RGS5: variants seen among roughly 807,000 people sequenced by gnomAD.
The protein encoded by RGS5 is regulator of G-protein signalling 5.
Under a neutral mutation model 18.9 loss-of-function variants are expected in RGS5, and 20 were observed. The observed-to-expected ratio is 1.06, with a 90% CI of 0.74 to 1.54. The LOEUF (loss-of-function observed/expected upper bound fraction) is 1.54, where lower values mean the gene tolerates loss of function less well. Among genes scored for constraint, RGS5 ranks in the 40% most tolerant of loss-of-function variants. The probability of loss-of-function intolerance (pLI) is 0.00; values close to 1 mark genes in which losing one functional copy is unlikely to be tolerated. For synonymous variants in RGS5, 57 were observed against 76.2 expected, an observed-to-expected ratio of 0.75 and a Z score of 1.31; for missense variants, 201 against 211.8, an observed-to-expected ratio of 0.95 and a Z score of 0.32.
intron 2 of RGS5, among the ~76,000 whole-genome samples, chr1:163,223,972 A>G (rs144644767): frequency 1.1e-3 from 175 of 152,250 alleles, no homozygotes; most frequent in African/African-American, 4.1e-3. Flanking sequence ...GTATAGTGTA[A>G]TGTTTTGGTA....
At chr1:163,230,285 T>G (rs1431057169) in intron 2 of RGS5, among the ~76,000 whole-genome samples, 1 of 152,218 alleles carries the variant, frequency 6.6e-6, no homozygotes, top group African/African-American at 2.4e-5. Flanking sequence ...CCTCATAAGA[T>G]TTTTGTGAAC....
At chr1:163,154,082 C>T (rs1346638663) in intron 3 of RGS5, among the ~76,000 whole-genome samples, 3 of 152,134 alleles carry the variant, frequency 2.0e-5, no homozygotes, top group Admixed American at 6.6e-5. Context: ...TTGCCCCCAC[C>T]TGGAAACACT....
chr1:163,291,280 CA>C (rs1161930231), intron 2 of RGS5, among the ~76,000 whole-genome samples: 1 of 152,086 alleles, frequency 6.6e-6, no homozygotes, highest in African/African-American at 2.4e-5. Context: ...TGGCGGCGGG[CA>C]GGGGGGTATC....
At chr1:163,313,219 G>A (rs1649922111) in intron 1 of RGS5, among the ~76,000 whole-genome samples, 1 of 152,086 alleles carries the variant, frequency 6.6e-6, no homozygotes, top group African/African-American at 2.4e-5. Flanking sequence ...TCCTCATGCA[G>A]AAAAATAGTT....
At chr1:163,188,413 C>G (rs1259821177) in intron 1 of RGS5, among the ~76,000 whole-genome samples, 3 of 152,130 alleles carry the variant, frequency 2.0e-5, no homozygotes, top group Non-Finnish European at 4.4e-5. Context: ...CCTGTGAGTC[C>G]TCTGGTCACC....
intron 1 of RGS5, chr1:163,210,691 C>T (rs1055276284): frequency 6.6e-6 from 1 of 152,212 alleles, no homozygotes; most frequent in African/African-American, 2.4e-5. Flanking sequence ...GTGCCTTACA[C>T]ACAATGAGCA....
At chr1:163,194,814 A>C (rs1427328531) in intron 1 of RGS5, among the ~76,000 whole-genome samples, 1 of 152,182 alleles carries the variant, frequency 6.6e-6, no homozygotes, top group Non-Finnish European at 1.5e-5. Context: ...ATATTCAATG[A>C]ATTATAGAAT....
At chr1:163,187,699 C>CCT (rs1557896765) in intron 1 of RGS5, among the ~76,000 whole-genome samples, 2 of 152,174 alleles carry the variant, frequency 1.3e-5, no homozygotes, top group Non-Finnish European at 2.9e-5. Context: ...CTCCCCCATG[C>CCT]CTCACCCTAG....
intron 2 of RGS5, among the ~76,000 whole-genome samples, chr1:163,230,171 G>T (rs529862360): frequency 2.6e-5 from 4 of 152,280 alleles, no homozygotes; most frequent in Non-Finnish European, 4.4e-5. Flanking sequence ...TATAATTAGA[G>T]ATAAAATTCA....
intron 1 of RGS5, among the ~76,000 whole-genome samples, chr1:163,188,142 C>T (rs1659173474): frequency 6.6e-6 from 1 of 152,030 alleles, no homozygotes; most frequent in Non-Finnish European, 1.5e-5. Context: ...TACTAAAAGC[C>T]AGAGTTATCA....
chr1:163,168,254 T>C lies in RGS5; in HGVS notation c.155+4A>G, dbSNP rs770035597. The C allele has an allele frequency of 6.2e-7, 1 of 1,605,224 alleles. No individual in the cohort carries two copies. Among genetic ancestry groups the C allele is most frequent in the Non-Finnish European group, 8.5e-7 (1 of 1,172,062 alleles). On this transcript the variant is annotated splice_donor_region_variant and intron_variant, in intron 2 of 4. Transcript: ENST00000313961. ...AATGAGTGGAATCCATATTCATGAC[T>C]CACTTCTGGGTCTTGGCTGGTTTCT...
intron 2 of RGS5, among the ~76,000 whole-genome samples, chr1:163,226,993 C>T (rs562939523): frequency 4.6e-5 from 7 of 152,290 alleles, no homozygotes; most frequent in African/African-American, 1.7e-4. Flanking sequence ...GAAAAAAATA[C>T]TCTCACAACT....
chr1:163,207,829 A>G (rs114552937), upstream of RGS5, among the ~76,000 whole-genome samples: 1,805 of 152,256 alleles, frequency 0.012, 29 homozygotes, highest in African/African-American at 0.041. Context: ...GAGATGAAAG[A>G]CACTAAGAAA....
chr1:163,270,578 T>A (rs2101711625), intron 2 of RGS5, among the ~76,000 whole-genome samples: 1 of 152,166 alleles, frequency 6.6e-6, no homozygotes, highest in African/African-American at 2.4e-5. Flanking sequence ...CTGTAGTTAA[T>A]TCAATTTGTG....
intron 1 of RGS5, among the ~76,000 whole-genome samples, chr1:163,181,395 C>G (rs1401100371): frequency 6.6e-6 from 1 of 152,166 alleles, no homozygotes; most frequent in Non-Finnish European, 1.5e-5. Context: ...TGTAACTACT[C>G]CATCCCAGAC....
At chr1:163,172,923 C>T (rs1402101194) in intron 1 of RGS5, among the ~76,000 whole-genome samples, 1 of 152,096 alleles carries the variant, frequency 6.6e-6, no homozygotes, top group Non-Finnish European at 1.5e-5. Flanking sequence ...TATTTCATCC[C>T]CCGTTTCCCT....
chr1:163,206,519 G>A (rs1401970493), upstream of RGS5, among the ~76,000 whole-genome samples: 2 of 151,890 alleles, frequency 1.3e-5, no homozygotes, highest in African/African-American at 2.4e-5. Context: ...TGATCTGAAC[G>A]TTTCCCTCAA....
At chr1:163,311,681 T>C (rs967979026) in intron 1 of RGS5, among the ~76,000 whole-genome samples, 5 of 152,184 alleles carry the variant, frequency 3.3e-5, no homozygotes, top group African/African-American at 1.2e-4. Context: ...TATTTACTTA[T>C]TAAGTTTGTT....
At position 163,295,419 on chromosome 1, in the gene RGS5, G is replaced by C. The variant is rs149882299; in HGVS notation, c.-281+10814C>G. Among the ~76,000 whole-genome samples the C allele has an allele frequency of 7.5e-3, 1,134 of 152,206 alleles. 9 individuals carry two copies. Among genetic ancestry groups the C allele is most frequent in the Non-Finnish European group, 0.011 (782 of 68,006 alleles). ...TTTCATAAAAATGGCCTAGGTCATG[G>C]GATAATCCACTAACTCAGTTTCTCG... On this transcript the variant is annotated intron_variant, in intron 2 of 5. Transcript: ENST00000618415.
Sources: allele counts gnomAD v4.1 joint callset (sites outside exome capture counted in the v4.1 genomes callset), GRCh38; gene constraint gnomAD v4.1.1; transcripts MANE v1.5; gene names NCBI Gene and HGNC (gene_info 2026-07-23, HGNC 2026-07-21).